Variants in NRXN3 observed in about 807,000 individuals in gnomAD.
NRXN3 encodes neurexin 3.
NRXN3 carries 32 observed loss-of-function variants against 137.6 expected under a neutral mutation model. That is an observed-to-expected ratio of 0.23 (90% confidence interval 0.18 to 0.31). The LOEUF is 0.31. Among genes scored for constraint, NRXN3 ranks in the 10% least tolerant of loss-of-function variants. The pLI is 1.00. For missense variants in NRXN3, 1,574 were observed against 2,062.5 expected, an observed-to-expected ratio of 0.76 and a Z score of 4.59; for synonymous variants, 798 against 784.5, an observed-to-expected ratio of 1.02 and a Z score of -0.29.
intron 1 of NRXN3, among the ~76,000 whole-genome samples, chr14:78,227,189 G>A (rs7151672): frequency 0.42 from 63,198 of 151,846 alleles, 13,407 homozygotes; most frequent in African/African-American, 0.47. Context: ...TATCCCAGAA[G>A]CAGTGGTATA....
chr14:78,688,744 T>C (rs2098143368), intron 6 of NRXN3, among the ~76,000 whole-genome samples: 1 of 151,988 alleles, frequency 6.6e-6, no homozygotes, highest in South Asian at 2.1e-4. Flanking sequence ...TAGTTGGAGA[T>C]ATAAGTCAGA....
intron 1 of NRXN3, among the ~76,000 whole-genome samples, chr14:78,238,642 A>G (rs2066666302): frequency 6.6e-6 from 1 of 152,282 alleles, no homozygotes; most frequent in Non-Finnish European, 1.5e-5. Flanking sequence ...GCTGTAGGAA[A>G]GAATGTGGAT....
At chr14:79,456,352 A>C (rs1185787629) in intron 15 of NRXN3, among the ~76,000 whole-genome samples, 1 of 152,178 alleles carries the variant, frequency 6.6e-6, no homozygotes, top group Non-Finnish European at 1.5e-5. Context: ...GAATTCTTTC[A>C]TATCCAAACT....
At chr14:79,637,610 A>G (rs1407800888) in intron 16 of NRXN3, among the ~76,000 whole-genome samples, 1 of 152,092 alleles carries the variant, frequency 6.6e-6, no homozygotes, top group Non-Finnish European at 1.5e-5. Flanking sequence ...CAAGAAAATC[A>G]GCTGACTTAT....
At chr14:78,352,207 G>A (rs919003224) in intron 4 of NRXN3, among the ~76,000 whole-genome samples, 3 of 152,174 alleles carry the variant, frequency 2.0e-5, no homozygotes, top group East Asian at 3.9e-4. Flanking sequence ...TGTGTGTGGT[G>A]CAAGAAGTAG....
Position 78,715,085 on chromosome 14 carries a change from C to T in NRXN3, c.1990C>T (p.Arg664Cys), listed in dbSNP as rs775038837. ...NNAVCKDGWN[R>C]FICDCTGTGY... ...TGCTGTGTGCAAGGACGGCTGGAAC[C>T]GCTTCATCTGCGACTGCACCGGCAC... Residue 664 changes from arginine to cysteine, a missense_variant, in exon 8 of 21, where the codon CGC becomes TGC. Arg to Cys is a radical substitution (Grantham distance 180). Transcript: ENST00000335750. 20 of 1,612,924 alleles carry T rather than the reference C, an allele frequency of 1.2e-5. No homozygotes were observed. The highest frequency in any genetic ancestry group is 1.7e-5 in the Admixed American group (1 of 60,000).
At chr14:79,208,633 G>T (rs911946729) in intron 15 of NRXN3, among the ~76,000 whole-genome samples, 4 of 151,946 alleles carry the variant, frequency 2.6e-5, no homozygotes, top group Non-Finnish European at 1.5e-5. Context: ...ACTGTTTCAG[G>T]TGTTTTACCT....
rs773889767 is a variant in NRXN3, at chr14:78,957,314, G to A, written c.2348G>A (p.Arg783Gln). Reference protein sequence around the residue: ...DNEWHTVRVVRRGKSLKLTVD... With the variant: ...DNEWHTVRVVQRGKSLKLTVD... ...GAGTGGCACACCGTTCGGGTGGTGC[G>A]GAGAGGAAAAAGCCTTAAGTTAACC... Residue 783 changes from arginine (R) to glutamine (Q), a missense_variant, in exon 11 of 21, where the codon CGG becomes CAG. Physicochemically the swap from Arg to Gln is conservative, Grantham distance 43. This residue lies in a region of NRXN3 where 718 missense variants were observed against 887.6 expected (regional missense o/e 0.81). Transcript: ENST00000335750. The A allele has an allele frequency of 5.6e-6, 9 of 1,613,908 alleles. No individual in the cohort carries two copies. The highest frequency in any genetic ancestry group is 1.7e-5 in the Admixed American group (1 of 59,982).
chr14:78,666,592 T>C (rs2097888711), intron 6 of NRXN3, among the ~76,000 whole-genome samples: 1 of 152,254 alleles, frequency 6.6e-6, no homozygotes, highest in South Asian at 2.1e-4. Context: ...TCTTTCTCAT[T>C]CCCCTTCTTC....
intron 10 of NRXN3, among the ~76,000 whole-genome samples, chr14:78,816,959 A>T (rs2098935456): frequency 6.6e-6 from 1 of 152,236 alleles, no homozygotes; most frequent in Non-Finnish European, 1.5e-5. Flanking sequence ...GACTTTGGTG[A>T]CAACTTATAT....
At chr14:78,556,469 A>G (rs1185142815) in intron 4 of NRXN3, among the ~76,000 whole-genome samples, 1 of 152,222 alleles carries the variant, frequency 6.6e-6, no homozygotes, top group Non-Finnish European at 1.5e-5. Context: ...AAACTAGCCA[A>G]TGTTAATCTT....
intron 15 of NRXN3, among the ~76,000 whole-genome samples, chr14:79,133,572 A>G (rs545687179): frequency 9.5e-4 from 145 of 152,308 alleles, no homozygotes; most frequent in Admixed American, 2.0e-3. Context: ...TAGATTGTGT[A>G]TGTGTTTGAG....
chr14:79,612,301 T>C (rs1408462919), intron 16 of NRXN3, among the ~76,000 whole-genome samples: 2 of 152,302 alleles, frequency 1.3e-5, no homozygotes, highest in Admixed American at 1.3e-4. Flanking sequence ...TATTGAATAG[T>C]ACATGAGGAC....
intron 15 of NRXN3, among the ~76,000 whole-genome samples, chr14:79,284,952 A>G (rs1369714850): frequency 1.3e-5 from 2 of 152,182 alleles, no homozygotes; most frequent in African/African-American, 4.8e-5. Context: ...TGAATTAATT[A>G]GATTGGTTTC....
intron 1 of NRXN3, among the ~76,000 whole-genome samples, chr14:78,173,830 T>G (rs930174508): frequency 2.7e-5 from 4 of 149,554 alleles, no homozygotes; most frequent in African/African-American, 4.9e-5. Context: ...CATACGCTCT[T>G]GCACACACAG....
chr14:78,607,638 A>T (rs920770188), intron 4 of NRXN3, among the ~76,000 whole-genome samples: 6 of 152,062 alleles, frequency 3.9e-5, no homozygotes, highest in Non-Finnish European at 8.8e-5. Context: ...TATCATGGAG[A>T]GCTTTCAGAT....
intron 7 of NRXN3, among the ~76,000 whole-genome samples, chr14:78,710,942 T>C (rs560900433): frequency 6.6e-6 from 1 of 152,346 alleles, no homozygotes; most frequent in African/African-American, 2.4e-5. Flanking sequence ...GAATGAATAG[T>C]GTCTACCCTT....
intron 4 of NRXN3, among the ~76,000 whole-genome samples, chr14:78,351,828 T>C (rs1270886997): frequency 6.6e-6 from 1 of 151,376 alleles, no homozygotes; most frequent in Non-Finnish European, 1.5e-5. Flanking sequence ...ATTTTGATGT[T>C]GGCAAATTTA....
At chr14:78,691,642 C>T (rs1056848603) in intron 6 of NRXN3, among the ~76,000 whole-genome samples, 18 of 151,760 alleles carry the variant, frequency 1.2e-4, no homozygotes, top group African/African-American at 4.1e-4. Flanking sequence ...TAAGAGAGCC[C>T]GGGATAGATG....
Sources: gnomAD v4.1 joint callset for allele counts (sites outside exome capture counted in the v4.1 genomes callset) on GRCh38, gnomAD v4.1.1 for gene constraint, gnomAD v4.1.1 regional missense constraint, MANE v1.5 for transcripts, NCBI Gene and HGNC (gene_info 2026-07-23, HGNC 2026-07-21) for gene names.